Variants in RBFOX1 observed in about 807,000 individuals in gnomAD.
RBFOX1 encodes the protein RNA binding fox-1 homolog 1.
RBFOX1 carries 8 observed loss-of-function variants against 57.7 expected under a neutral mutation model. The ratio of observed to expected loss-of-function variants is 0.14; its 90% confidence interval spans 0.08 to 0.25. RBFOX1 has a LOEUF of 0.25. Ranked by LOEUF, RBFOX1 falls within the 10% of genes least tolerant of loss-of-function variation. The pLI is 1.00. For synonymous variants in RBFOX1, 326 were observed against 222.4 expected, an observed-to-expected ratio of 1.47 and a Z score of -4.15; for missense variants, 611 against 548.5, an observed-to-expected ratio of 1.11 and a Z score of -1.14.
intron 4 of RBFOX1, among the ~76,000 whole-genome samples, chr16:6,006,906 G>T (rs140432614): frequency 6.6e-6 from 1 of 152,126 alleles, no homozygotes; most frequent in Admixed American, 6.5e-5. Flanking sequence ...ACATGGGTCC[G>T]CCTTCTCTCC....
chr16:6,220,917 ACTTAAC>A (rs1486594461), intron 1 of RBFOX1, among the ~76,000 whole-genome samples: 1 of 152,010 alleles, frequency 6.6e-6, no homozygotes, highest in Non-Finnish European at 1.5e-5. Context: ...TATAATCATA[ACTTAAC>A]CTTAACTTGT....
intron 1 of RBFOX1, among the ~76,000 whole-genome samples, chr16:6,283,415 AT>A (rs2076593635): frequency 6.6e-6 from 1 of 152,210 alleles, no homozygotes; most frequent in South Asian, 2.1e-4. Flanking sequence ...ATTTTTATTT[AT>A]TCTGTTTTTA....
chr16:6,337,421 A>G (rs1408356132), intron 2 of RBFOX1, among the ~76,000 whole-genome samples: 4 of 152,248 alleles, frequency 2.6e-5, no homozygotes, highest in African/African-American at 9.6e-5. Flanking sequence ...AAACCAGAAC[A>G]AACCTCAGAT....
At chr16:7,378,482 G>T (rs2097726167) in intron 4 of RBFOX1, among the ~76,000 whole-genome samples, 1 of 152,128 alleles carries the variant, frequency 6.6e-6, no homozygotes, top group South Asian at 2.1e-4. Flanking sequence ...GAGCCGGCTG[G>T]TACTTGTGTA....
intron 1 of RBFOX1, among the ~76,000 whole-genome samples, chr16:6,224,384 G>A (rs1342281011): frequency 1.3e-5 from 2 of 152,090 alleles, no homozygotes; most frequent in Non-Finnish European, 2.9e-5. Context: ...TCCTTGAGCA[G>A]TGGTTTGTAG....
chr16:6,727,197 C>T (rs1394280960), intron 3 of RBFOX1, among the ~76,000 whole-genome samples: 1 of 152,052 alleles, frequency 6.6e-6, no homozygotes, highest in Non-Finnish European at 1.5e-5. Context: ...GACTCACTAT[C>T]CTGCAATTCT....
At chr16:5,691,503 T>G (rs144689276) in intron 3 of RBFOX1, among the ~76,000 whole-genome samples, 49 of 152,366 alleles carry the variant, frequency 3.2e-4, no homozygotes, top group Admixed American at 7.8e-4. Flanking sequence ...TATATTTGTG[T>G]GTGTGTACAG....
At chr16:5,989,843 AAC>A (rs199624083) in intron 4 of RBFOX1, among the ~76,000 whole-genome samples, 1,293 of 20,504 alleles carry the variant, frequency 0.063, 10 homozygotes, top group African/African-American at 0.11. Context: ...AACACCCCCT[AAC>A]ACACACACAC....
At chr16:6,546,925 T>G (rs1229842919) in intron 2 of RBFOX1, among the ~76,000 whole-genome samples, 1 of 152,200 alleles carries the variant, frequency 6.6e-6, no homozygotes, top group African/African-American at 2.4e-5. Flanking sequence ...TTCAAACCCT[T>G]AAATCAAAGT....
intron 2 of RBFOX1, among the ~76,000 whole-genome samples, chr16:6,431,908 T>G (rs76982448): frequency 0.25 from 23,663 of 94,830 alleles, 2,067 homozygotes; most frequent in Non-Finnish European, 0.28. Context: ...TTTCTTTCTT[T>G]CTTTCTTTCT....
intron 4 of RBFOX1, among the ~76,000 whole-genome samples, chr16:7,409,642 G>C (rs138996600): frequency 2.2e-3 from 332 of 152,316 alleles, no homozygotes; most frequent in African/African-American, 7.1e-3. Context: ...CATACCATCA[G>C]ATGTAATCCA....
rs1206118010 is a variant in RBFOX1 at position 6,682,972 on chromosome 16, G to C, written c.-16+28322G>C. On this transcript the variant is annotated intron_variant, in intron 3 of 15. Transcript: ENST00000550418. ...CATCAGGCCTCATAGGGGTTGACAA[G>C]CTGCAGTGTTGAGTGCTTTACACAG... Among the ~76,000 whole-genome samples the C allele has an allele frequency of 3.3e-5, 5 of 151,834 alleles. No homozygotes were observed. In the East Asian group the frequency reaches 7.8e-4, roughly 24 times the overall value.
At chr16:5,537,389 C>T (rs1250757510) in intron 2 of RBFOX1, among the ~76,000 whole-genome samples, 1 of 152,148 alleles carries the variant, frequency 6.6e-6, no homozygotes, top group Non-Finnish European at 1.5e-5. Flanking sequence ...GTCAAACTAC[C>T]ACAAATATAG....
chr16:7,271,812 T>C (rs1050884755), intron 4 of RBFOX1, among the ~76,000 whole-genome samples: 1 of 152,032 alleles, frequency 6.6e-6, no homozygotes, highest in Non-Finnish European at 1.5e-5. Context: ...ATGTCTGGGT[T>C]TCACTCAGGA....
intron 3 of RBFOX1, among the ~76,000 whole-genome samples, chr16:6,712,523 T>G (rs1214895265): frequency 1.3e-5 from 2 of 152,162 alleles, no homozygotes; most frequent in Non-Finnish European, 2.9e-5. Context: ...TTATCATCTT[T>G]CCAGTGACAC....
chr16:6,987,814 G>C (rs752979812), intron 3 of RBFOX1, among the ~76,000 whole-genome samples: 1 of 152,166 alleles, frequency 6.6e-6, no homozygotes, highest in East Asian at 1.9e-4. Flanking sequence ...TGACTGGTCC[G>C]TGGAGTGACA....
At chr16:5,303,626 C>G (rs1018252067) in intron 1 of RBFOX1, among the ~76,000 whole-genome samples, 2 of 152,082 alleles carry the variant, frequency 1.3e-5, no homozygotes, top group Non-Finnish European at 2.9e-5. Flanking sequence ...TGGGTCCCTT[C>G]CTCTCTCCCC....
At chr16:6,683,246 C>G (rs1309540763) in intron 3 of RBFOX1, among the ~76,000 whole-genome samples, 1 of 152,076 alleles carries the variant, frequency 6.6e-6, no homozygotes. Context: ...ACAAAAAGGA[C>G]ATAGTTCCAG....
chr16:6,798,703 A>C (rs1286468193), intron 3 of RBFOX1, among the ~76,000 whole-genome samples: 7 of 152,192 alleles, frequency 4.6e-5, no homozygotes, highest in Admixed American at 4.6e-4. Flanking sequence ...TGTTTATATG[A>C]ACTAAAATAT....
Sources: allele counts gnomAD v4.1 joint callset (sites outside exome capture counted in the v4.1 genomes callset), GRCh38; gene constraint gnomAD v4.1.1; transcripts MANE v1.5; gene names NCBI Gene and HGNC (gene_info 2026-07-23, HGNC 2026-07-21).